The following ENTPD1 variants were observed in gnomAD, a reference collection of about 807,000 sequenced individuals.
ENTPD1 encodes ATP diphosphohydrolase.
In ENTPD1, 33 loss-of-function variants were observed where a neutral mutation model predicts 57.0. The observed-to-expected ratio is 0.58, with a 90% CI of 0.44 to 0.77. The LOEUF (loss-of-function observed/expected upper bound fraction) is 0.77, where lower values mean the gene tolerates loss of function less well. ENTPD1 is among the 30% of genes least tolerant of loss of function. The pLI is 0.00. For synonymous variants in ENTPD1, 202 were observed against 218.8 expected, an observed-to-expected ratio of 0.92 and a Z score of 0.68; for missense variants, 501 against 603.4, an observed-to-expected ratio of 0.83 and a Z score of 1.78.
At chr10:95,744,134 G>A (rs1319996838) in intron 1 of ENTPD1, among the ~76,000 whole-genome samples, 1 of 149,974 alleles carries the variant, frequency 6.7e-6, no homozygotes, top group African/African-American at 2.5e-5. Flanking sequence ...TTACCACATG[G>A]ATCATTCTAG....
chr10:95,864,812 G>T lies in ENTPD1; in HGVS notation c.1277G>T (p.Gly426Val). ...TACATTCTCTCCCTCCTTCTGCAAG[G>T]CTATCATTTCACAGCTGATTCCTGG... ...GTYILSLLLQ[G>V]YHFTADSWEH... The change falls in exon 9 of 10, where the codon GGC becomes GTC. Residue 426 changes from glycine (G) to valine (V), a missense_variant. Transcript: ENST00000371205. The T allele has an allele frequency of 6.2e-7, 1 of 1,613,952 alleles. No homozygotes were observed. The highest frequency in any genetic ancestry group is 8.5e-7 in the Non-Finnish European group (1 of 1,180,028).
intron 1 of ENTPD1, among the ~76,000 whole-genome samples, chr10:95,743,997 CATATATATATATATATATATATATATAT>C (rs57187898): frequency 1.2e-5 from 1 of 80,992 alleles, no homozygotes; most frequent in Non-Finnish European, 2.6e-5. Flanking sequence ...TATTTTAAAC[CATATATATATATATATATATATATATAT>C]ATATATATAT....
At chr10:95,846,544 A>G (rs1223840806) in intron 6 of ENTPD1, 5 of 152,170 alleles carry the variant, frequency 3.3e-5, no homozygotes, top group African/African-American at 9.7e-5. Flanking sequence ...CTCTCCTCCA[A>G]AGCATTCTCT....
chr10:95,746,387 G>T (rs2098006111), intron 1 of ENTPD1, among the ~76,000 whole-genome samples: 1 of 152,090 alleles, frequency 6.6e-6, no homozygotes, highest in Non-Finnish European at 1.5e-5. Context: ...TCGCTAACTT[G>T]TCTAAGATCA....
At chr10:95,721,200 G>A (rs1471227524) in intron 1 of ENTPD1, among the ~76,000 whole-genome samples, 4 of 152,094 alleles carry the variant, frequency 2.6e-5, no homozygotes, top group Non-Finnish European at 2.9e-5. Flanking sequence ...GTGTTATAGT[G>A]GACATCATTG....
In ENTPD1 at chr10:95,747,059, A is replaced by T. The variant is rs573569236; in HGVS notation, c.37+35066A>T. On this transcript the variant is annotated intron_variant, in intron 1 of 9. Coordinates refer to the ENTPD1 transcript ENST00000453258. ...ATGGATCTATTGCTGGTAGGAAAAT[A>T]ATTTTGAATTCCTGAGATTAGATTT... Among the ~76,000 whole-genome samples the T allele has an allele frequency of 6.6e-5, 10 of 152,342 alleles. No homozygotes were observed. In the East Asian group the frequency reaches 9.6e-4, roughly 15 times the overall value.
In ENTPD1 at chr10:95,866,963, T is replaced by C; in HGVS notation, c.*580T>C. 1 of 1,008,468 alleles carries C rather than the reference T, an allele frequency of 9.9e-7. No homozygotes were observed. The allele number at this position is 1,008,468 out of a possible 1,614,324, so 62.5% of individuals were successfully genotyped here. On this transcript the variant is annotated 3_prime_UTR_variant, in exon 10 of 10. Transcript: ENST00000371205. ...TTTTATAAGGAAATATATGTGCTCA[T>C]GCAGTCAATACAGTTCTCAATCCCA...
intron 1 of ENTPD1, among the ~76,000 whole-genome samples, chr10:95,774,043 G>A (rs1424505507): frequency 3.9e-5 from 6 of 151,980 alleles, no homozygotes; most frequent in Admixed American, 2.6e-4. Flanking sequence ...GTGTGAGATG[G>A]TATCTCATTG....
chr10:95,805,359 C>T (rs1179653219), intron 1 of ENTPD1, among the ~76,000 whole-genome samples: 2 of 152,242 alleles, frequency 1.3e-5, no homozygotes, highest in East Asian at 1.9e-4. Flanking sequence ...TTCCTCCATC[C>T]ATTTATTTTG....
At chr10:95,741,005 C>A (rs2097999810) in intron 1 of ENTPD1, among the ~76,000 whole-genome samples, 1 of 152,160 alleles carries the variant, frequency 6.6e-6, no homozygotes, top group African/African-American at 2.4e-5. Flanking sequence ...GTTTCTCTTT[C>A]TTATCATTTG....
intron 1 of ENTPD1, among the ~76,000 whole-genome samples, chr10:95,798,316 G>C (rs1302541053): frequency 6.6e-6 from 1 of 152,184 alleles, no homozygotes; most frequent in East Asian, 1.9e-4. Flanking sequence ...AGTTTAGAAA[G>C]GCACTTATTG....
intron 2 of ENTPD1, among the ~76,000 whole-genome samples, chr10:95,836,291 T>G (rs1353665659): frequency 6.6e-6 from 1 of 152,192 alleles, no homozygotes; most frequent in Admixed American, 6.5e-5. Flanking sequence ...AGGATTGCCT[T>G]GGCTATTTGG....
intron 2 of ENTPD1, among the ~76,000 whole-genome samples, chr10:95,837,985 A>AC (rs1369246911): frequency 1.4e-5 from 2 of 146,424 alleles, no homozygotes; most frequent in East Asian, 4.1e-4. Context: ...CACACACACC[A>AC]CACACCCACA....
intron 1 of ENTPD1, among the ~76,000 whole-genome samples, chr10:95,790,117 CATATG>C (rs2098197385): frequency 6.6e-6 from 1 of 152,194 alleles, no homozygotes; most frequent in Admixed American, 6.5e-5. Flanking sequence ...TGAATTGCTT[CATATG>C]AACTGTAGGT....
At chr10:95,737,427 C>G (rs2097995837) in intron 1 of ENTPD1, among the ~76,000 whole-genome samples, 1 of 151,938 alleles carries the variant, frequency 6.6e-6, no homozygotes, top group East Asian at 1.9e-4. Context: ...CTCTGTCCCC[C>G]AAGCTGGAGT....
At chr10:95,810,611 C>T (rs1232785204) in intron 1 of ENTPD1, among the ~76,000 whole-genome samples, 8 of 152,234 alleles carry the variant, frequency 5.3e-5, no homozygotes, top group Non-Finnish European at 1.2e-4. Context: ...CCACCATATT[C>T]ACATATTCCT....
At position 95,866,638 on chromosome 10, in the gene ENTPD1, T is replaced by G; in HGVS notation, c.*255T>G. ...CTTTCTCCTTTGTACTTTGTGCTTG[T>G]ATAGGTTTTAAAGACCTGACACCTT... On this transcript the variant is annotated 3_prime_UTR_variant, in exon 10 of 10. Coordinates refer to ENST00000371205, the MANE Select transcript of ENTPD1 (RefSeq NM_001776.6). The G allele has an allele frequency of 3.0e-6, 4 of 1,327,212 alleles. No homozygotes were observed. Among genetic ancestry groups the G allele is most frequent in the Non-Finnish European group, 3.9e-6 (4 of 1,033,194 alleles). 82.2% of individuals were successfully genotyped at this position (1,327,212 alleles called of 1,614,324 possible). A position where few individuals can be genotyped will look rare whatever the true frequency, so the allele number is the denominator to read the frequency against.
At chr10:95,837,956 T>TCACACACACACACACACA (rs142329357) in intron 2 of ENTPD1, among the ~76,000 whole-genome samples, 3 of 146,926 alleles carry the variant, frequency 2.0e-5, no homozygotes, top group South Asian at 2.2e-4. Flanking sequence ...GTAGGGAGAT[T>TCACACACACACACACACA]CACACACACA....
chr10:95,834,315 A>G (rs1329040055), intron 2 of ENTPD1, among the ~76,000 whole-genome samples: 1 of 152,226 alleles, frequency 6.6e-6, no homozygotes, highest in African/African-American at 2.4e-5. Flanking sequence ...TATTAATCAA[A>G]TAGCTGCATA....
Sources: gnomAD v4.1 joint callset for allele counts (sites outside exome capture counted in the v4.1 genomes callset) on GRCh38, gnomAD v4.1.1 for gene constraint, MANE v1.5 for transcripts, NCBI Gene and HGNC (gene_info 2026-07-23, HGNC 2026-07-21) for gene names.